The following USP35 variants were observed in gnomAD, a reference collection of about 807,000 sequenced individuals.
USP35 encodes the protein ubiquitin specific peptidase 35.
USP35 carries 69 observed loss-of-function variants against 83.8 expected under a neutral mutation model. The observed-to-expected ratio is 0.82, with a 90% CI of 0.68 to 1.01. The LOEUF is 1.01. USP35 is among the 50% of genes least tolerant of loss of function. The probability of loss-of-function intolerance (pLI) is 0.00; values close to 1 mark genes in which losing one functional copy is unlikely to be tolerated. For synonymous variants in USP35, 714 were observed against 589.5 expected (o/e 1.21, Z -3.06); for missense variants, 1,503 against 1,362.5 (o/e 1.10, Z -1.62).
chr11:78,198,197 C>T (rs1863214388), intron 3 of USP35, 129 bp downstream of exon 3: 2 of 1,395,006 alleles, frequency 1.4e-6, no homozygotes, highest in African/African-American at 2.9e-5. Context: ...CATGTGTGTT[C>T]CATCATCTAT....
chr11:78,226,397 A>G, the USP35 span: 5 of 1,268,888 alleles, frequency 3.9e-6, no homozygotes, highest in South Asian at 1.2e-5. Flanking sequence ...ACCAAGGACC[A>G]TCAAACTATT....
At chr11:78,203,292 C>T (rs553215888) in intron 6 of USP35, among the ~76,000 whole-genome samples, 1 of 152,070 alleles carries the variant, frequency 6.6e-6, no homozygotes, top group Non-Finnish European at 1.5e-5. Context: ...ACTCTGGATG[C>T]ATCGGAGGGG....
chr11:78,234,019 T>G, the USP35 span, among the ~76,000 whole-genome samples: 1 of 152,234 alleles, frequency 6.6e-6, no homozygotes, highest in Non-Finnish European at 1.5e-5. Context: ...GCTTTTTCTG[T>G]CCTATATAAA....
chr11:78,234,909 C>T, the USP35 span, among the ~76,000 whole-genome samples: 18 of 152,060 alleles, frequency 1.2e-4, no homozygotes. Context: ...ACTCAGGAGG[C>T]TGAGGCAGGA....
intron 10 of USP35, among the ~76,000 whole-genome samples, chr11:78,213,273 C>T (rs891033113): frequency 5.9e-5 from 9 of 152,116 alleles, no homozygotes; most frequent in Non-Finnish European, 1.0e-4. Flanking sequence ...GTCCTGGTAG[C>T]AGGAGGATGG....
At chr11:78,200,930 C>T in intron 6 of USP35, 122 bp downstream of exon 6, 1 of 1,354,876 alleles carries the variant, frequency 7.4e-7, no homozygotes, top group Non-Finnish European at 9.9e-7. Context: ...GGCTGTCTCC[C>T]ATCACCTCCC....
chr11:78,195,452 G>C (rs1863115458), intron 1 of USP35, among the ~76,000 whole-genome samples: 1 of 152,186 alleles, frequency 6.6e-6, no homozygotes, highest in South Asian at 2.1e-4. Flanking sequence ...CAGAAAGAAA[G>C]AGTGCGAGGC....
At chr11:78,231,323 C>T in the USP35 span, among the ~76,000 whole-genome samples, 30 of 122,602 alleles carry the variant, frequency 2.4e-4, no homozygotes, top group South Asian at 1.0e-3. Context: ...TTGGTGCGCG[C>T]GCGCGCGTGT....
chr11:78,195,177 A>G (rs57331985), intron 1 of USP35, among the ~76,000 whole-genome samples: 6,876 of 152,268 alleles, frequency 0.045, 190 homozygotes, highest in Middle Eastern at 0.068. Flanking sequence ...CACCAGCACT[A>G]ACTGATTCCA....
intron 6 of USP35, among the ~76,000 whole-genome samples, chr11:78,204,358 G>A (rs931436376): frequency 2.0e-5 from 3 of 152,192 alleles, no homozygotes; most frequent in Admixed American, 6.5e-5. Context: ...ATATGCCTTT[G>A]TAAATAAGTT....
the USP35 span, chr11:78,222,069 G>T: frequency 7.2e-7 from 1 of 1,388,206 alleles, no homozygotes; most frequent in South Asian, 1.2e-5. Context: ...CTAATGGCCC[G>T]ACTCCAAGCT....
chr11:78,228,634 C>T, the USP35 span, among the ~76,000 whole-genome samples: 2 of 152,162 alleles, frequency 1.3e-5, no homozygotes, highest in Non-Finnish European at 2.9e-5. Context: ...GCCAGGCTTC[C>T]TCTCATGTAA....
At chr11:78,220,197 G>A, downstream of USP35, 1 of 958,402 alleles carries the variant, frequency 1.0e-6, no homozygotes. Flanking sequence ...ATAAAAGCTG[G>A]GTACTGGAGC....
In USP35 at chr11:78,196,444, G is replaced by T; in HGVS notation, c.199G>T (p.Val67Leu). Reference protein sequence around the residue: ...PRRVGCQLLHVAGRHHPDVFA... With the variant: ...PRRVGCQLLHLAGRHHPDVFA... Reference sequence around the variant, plus strand: ...CCGCGTGGGCTGCCAGCTGCTGCACGTGGCCGGCCGCCACCACCCCGACGT... The same window carrying T: ...CCGCGTGGGCTGCCAGCTGCTGCACTTGGCCGGCCGCCACCACCCCGACGT... The change falls in exon 2 of 11, where the codon GTG (valine) becomes TTG (leucine). Residue 67 changes from valine (V) to leucine (L), a missense_variant. Val to Leu is a conservative substitution (Grantham distance 32). Transcript: ENST00000529308. The surrounding 1 kb of genome is among the most constrained non-coding windows in gnomAD (Gnocchi z 4.8). The T allele has an allele frequency of 7.9e-7, 1 of 1,269,256 alleles. No individual in the cohort carries two copies. The highest frequency in any genetic ancestry group is 9.9e-7 in the Non-Finnish European group (1 of 1,008,124). 78.6% of individuals were successfully genotyped at this position (1,269,256 alleles called of 1,614,324 possible).
At chr11:78,222,791 C>A in the USP35 span, among the ~76,000 whole-genome samples, 1 of 152,104 alleles carries the variant, frequency 6.6e-6, no homozygotes, top group African/African-American at 2.4e-5. Flanking sequence ...CTATTTTGGC[C>A]AGGCTGGTCT....
At position 78,191,808 on chromosome 11, in the gene USP35, C is replaced by A. The variant is rs554265392; in HGVS notation, c.-11+2651C>A. ...GTGTCTCCCATCAGTGCCAGGTGGCCCAAAAATAGACTCATGACAGCCCGG... is the reference window on the plus strand; with the variant it reads ...GTGTCTCCCATCAGTGCCAGGTGGCACAAAAATAGACTCATGACAGCCCGG... On this transcript the variant is annotated intron_variant, in intron 1 of 10. Coordinates refer to ENST00000529308, the MANE Select transcript of USP35 (RefSeq NM_020798.4). Among the ~76,000 whole-genome samples the A allele has an allele frequency of 7.9e-5, 12 of 151,658 alleles. No individual in the cohort carries two copies. The South Asian group carries it at 2.5e-3, about 32-fold the overall frequency.
intron 6 of USP35, among the ~76,000 whole-genome samples, chr11:78,203,442 C>A (rs1297949011): frequency 6.6e-6 from 1 of 152,154 alleles, no homozygotes; most frequent in African/African-American, 2.4e-5. Context: ...AACGTTTCCA[C>A]CCAAGTACTT....
rs1202560302 is a variant in USP35, at chr11:78,210,423, G to A, written c.2568G>A (p.Val856=). Reference sequence around the variant, plus strand: ...GCAGTGTGGTGGTGCACTCTGGAGTGTCTTCGGAGAGTGGTCACTACTACT... The same window carrying A: ...GCAGTGTGGTGGTGCACTCTGGAGTATCTTCGGAGAGTGGTCACTACTACT... ...DLCSVVVHSG[V]SSESGHYYCY... The change falls in exon 10 of 11, where the codon GTG becomes GTA. Residue 856 remains valine (V), a synonymous_variant. Coordinates refer to ENST00000529308, the MANE Select transcript of USP35 (RefSeq NM_020798.4). 1 of 1,614,088 alleles carries A rather than the reference G, an allele frequency of 6.2e-7. No individual in the cohort carries two copies. The highest frequency in any genetic ancestry group is 2.2e-5 in the East Asian group (1 of 44,884).
rs764791980 is a variant in USP35 at position 78,200,794 on chromosome 11, A to T, written c.1183A>T (p.Met395Leu). 4.3e-6 allele frequency: 7 copies of T among 1,609,370 alleles called. No individual in the cohort carries two copies. In the African/African-American group the frequency reaches 9.4e-5, roughly 22 times the overall value. Residue 395 changes from methionine to leucine, a missense_variant, in exon 6 of 11, where the codon ATG (methionine) becomes TTG (leucine). Coordinates refer to ENST00000529308, the MANE Select transcript of USP35 (RefSeq NM_020798.4). ...PGFPDLYEPV[M>L]EAIKDLHVPN... ...CTTCCCGGATCTGTATGAGCCTGTC[A>T]TGGAGGCCATCAAGGTGAGCGACAG...
Sources: allele counts gnomAD v4.1 joint callset (sites outside exome capture counted in the v4.1 genomes callset), GRCh38; gene constraint gnomAD v4.1.1; non-coding constraint Gnocchi (gnomAD v3.1); transcripts MANE v1.5; gene names NCBI Gene and HGNC (gene_info 2026-07-23, HGNC 2026-07-21).